The following SHROOM3 variants were observed in gnomAD, a reference collection of about 807,000 sequenced individuals.
The protein encoded by SHROOM3 is shroom family member 3, also known as protein Shroom3.
Under a neutral mutation model 138.6 loss-of-function variants are expected in SHROOM3, and 47 were observed. The observed-to-expected ratio is 0.34, with a 90% CI of 0.27 to 0.43. The LOEUF (loss-of-function observed/expected upper bound fraction) is 0.43, where lower values mean the gene tolerates loss of function less well. SHROOM3 is among the 20% of genes least tolerant of loss of function. The pLI, the probability that SHROOM3 is intolerant of heterozygous loss-of-function variation, is 1.00. For missense variants in SHROOM3, 2,491 were observed against 2,596.5 expected (o/e 0.96, Z 0.88); for synonymous variants, 1,062 against 1,063.3 (o/e 1.00, Z 0.02).
intron 1 of SHROOM3, among the ~76,000 whole-genome samples, chr4:76,495,214 A>G (rs529096882): frequency 3.3e-5 from 5 of 152,312 alleles, no homozygotes; most frequent in African/African-American, 9.6e-5. Context: ...AAAAGCTGCT[A>G]TTGGTGCCAT....
intron 1 of SHROOM3, among the ~76,000 whole-genome samples, chr4:76,522,437 G>A (rs1732586292): frequency 6.6e-6 from 1 of 151,786 alleles, no homozygotes; most frequent in South Asian, 2.1e-4. Flanking sequence ...TGGTTCTGTT[G>A]GCCGGAACAG....
intron 2 of SHROOM3, among the ~76,000 whole-genome samples, chr4:76,588,532 G>A (rs2110047379): frequency 6.6e-6 from 1 of 152,178 alleles, no homozygotes; most frequent in Admixed American, 6.5e-5. Context: ...CTGCTTGGAA[G>A]GTTCAGCTCT....
intron 1 of SHROOM3, among the ~76,000 whole-genome samples, chr4:76,551,891 T>C (rs1354192257): frequency 6.6e-6 from 1 of 151,642 alleles, no homozygotes; most frequent in Non-Finnish European, 1.5e-5. Flanking sequence ...AGACAGAGTC[T>C]CGCTCTGTCA....
intron 2 of SHROOM3, among the ~76,000 whole-genome samples, chr4:76,668,434 G>C (rs1208835840): frequency 6.6e-6 from 1 of 152,052 alleles, no homozygotes; most frequent in East Asian, 1.9e-4. Context: ...TTAGCCGGAC[G>C]TAGTGGCACA....
At chr4:76,521,612 A>G (rs1732567600) in intron 1 of SHROOM3, among the ~76,000 whole-genome samples, 1 of 152,216 alleles carries the variant, frequency 6.6e-6, no homozygotes, top group African/African-American at 2.4e-5. Context: ...GAAAAATAAC[A>G]TTGTAGAAGT....
Position 76,741,290 on chromosome 4 carries a change from C to G in SHROOM3, c.3117C>G (p.Pro1039=). The G allele has an allele frequency of 6.2e-7, 1 of 1,612,072 alleles. No individual in the cohort carries two copies. The highest frequency in any genetic ancestry group is 8.5e-7 in the Non-Finnish European group (1 of 1,179,664). Residue 1039 remains proline, a synonymous_variant, in exon 5 of 11, where the codon CCC becomes CCG. Transcript: ENST00000296043. This position sits in a 1 kb window ranked among gnomAD's most constrained non-coding sequence, Gnocchi z 6.2. Reference sequence around the variant, plus strand: ...TCGTGGAGGAGGCCGAACCGGCACCCCTGGGCCCGCAGAGAAATGGGATGC... The same window carrying G: ...TCGTGGAGGAGGCCGAACCGGCACCGCTGGGCCCGCAGAGAAATGGGATGC... ...VGIVEEAEPA[P]LGPQRNGMRF...
chr4:76,528,969 C>A (rs942560192), intron 1 of SHROOM3, among the ~76,000 whole-genome samples: 5 of 152,198 alleles, frequency 3.3e-5, no homozygotes, highest in Non-Finnish European at 5.9e-5. Flanking sequence ...TGTGAGGAGG[C>A]CTCCTCTGAG....
chr4:76,771,490 A>G (rs1722356094), intron 10 of SHROOM3, among the ~76,000 whole-genome samples: 1 of 152,198 alleles, frequency 6.6e-6, no homozygotes, highest in Non-Finnish European at 1.5e-5. Context: ...TTCTTTCCCA[A>G]AAAGATAAAA....
intron 2 of SHROOM3, among the ~76,000 whole-genome samples, chr4:76,607,582 C>T (rs1428430858): frequency 1.3e-5 from 2 of 152,122 alleles, no homozygotes; most frequent in Non-Finnish European, 2.9e-5. Context: ...TATTACTGGC[C>T]ACAAACCACC....
chr4:76,482,364 GACAA>G (rs1731634900), intron 1 of SHROOM3, among the ~76,000 whole-genome samples: 1 of 152,038 alleles, frequency 6.6e-6, no homozygotes, highest in Admixed American at 6.6e-5. Context: ...ACCAATAATA[GACAA>G]ACAGAGAGCC....
chr4:76,548,101 A>G (rs1226014590), intron 1 of SHROOM3, among the ~76,000 whole-genome samples: 4 of 151,488 alleles, frequency 2.6e-5, no homozygotes, highest in Non-Finnish European at 1.5e-5. Flanking sequence ...GAGGTAAGGG[A>G]AAAAGTCAAA....
Position 76,569,367 on chromosome 4 carries a change from G to A in SHROOM3, c.323+13604G>A, listed in dbSNP as rs150692456. Reference sequence around the variant, plus strand: ...AGGCTCCTCTCCTGACCTCCAGAGGGGTCATTTTGGAGAAACTGCTGCCTG... The same window carrying A: ...AGGCTCCTCTCCTGACCTCCAGAGGAGTCATTTTGGAGAAACTGCTGCCTG... On this transcript the variant is annotated intron_variant, in intron 2 of 10. Coordinates refer to ENST00000296043, the MANE Select transcript of SHROOM3 (RefSeq NM_020859.4). Among the ~76,000 whole-genome samples the A allele has an allele frequency of 3.7e-3, 559 of 152,234 alleles. 3 individuals are homozygous for A. Among genetic ancestry groups the A allele is most frequent in the African/African-American group, 0.012 (514 of 41,544 alleles).
intron 1 of SHROOM3, among the ~76,000 whole-genome samples, chr4:76,459,267 T>C (rs935697466): frequency 1.8e-4 from 27 of 152,224 alleles, no homozygotes; most frequent in Admixed American, 1.3e-4. Context: ...ATTATAATTG[T>C]GTAGAATTGT....
intron 2 of SHROOM3, among the ~76,000 whole-genome samples, chr4:76,609,316 A>G (rs1385479673): frequency 6.6e-6 from 1 of 152,132 alleles, no homozygotes; most frequent in Non-Finnish European, 1.5e-5. Flanking sequence ...TGGAGACAGG[A>G]TCTTGCTCTG....
At chr4:76,769,271 A>C (rs1722269664) in intron 9 of SHROOM3, among the ~76,000 whole-genome samples, 1 of 151,360 alleles carries the variant, frequency 6.6e-6, no homozygotes, top group Non-Finnish European at 1.5e-5. Flanking sequence ...CACACCAATT[A>C]TATATATAGT....
intron 1 of SHROOM3, among the ~76,000 whole-genome samples, chr4:76,460,817 C>T (rs1191582950): frequency 6.2e-5 from 2 of 32,464 alleles, no homozygotes; most frequent in Non-Finnish European, 9.2e-5. Context: ...ACAGTGAAAG[C>T]CCGTATCTAC....
At chr4:76,586,256 T>TGC in intron 2 of SHROOM3, 1 of 985,602 alleles carries the variant, frequency 1.0e-6, no homozygotes, top group African/African-American at 1.7e-5. Context: ...CCAGCGGAGG[T>TGC]GCGTCTGTGG....
rs1262592435 is a variant in SHROOM3, at chr4:76,779,733, T to A, written c.*556T>A. The A allele has an allele frequency of 6.5e-6, 1 of 153,218 alleles. No homozygotes were observed. The highest frequency in any genetic ancestry group is 1.5e-5 in the Non-Finnish European group (1 of 68,434). 9.5% of individuals were successfully genotyped at this position (153,218 alleles called of 1,614,324 possible). On this transcript the variant is annotated 3_prime_UTR_variant, in exon 11 of 11. Coordinates refer to ENST00000296043, the MANE Select transcript of SHROOM3 (RefSeq NM_020859.4). Reference sequence around the variant, plus strand: ...GATTCTGTTTTGTGGTGGACATAGATGATTACGTTTGAGCTTTGTATTTTG... The same window carrying A: ...GATTCTGTTTTGTGGTGGACATAGAAGATTACGTTTGAGCTTTGTATTTTG...
intron 2 of SHROOM3, among the ~76,000 whole-genome samples, chr4:76,595,769 T>C (rs1304980338): frequency 1.3e-5 from 2 of 152,156 alleles, no homozygotes; most frequent in African/African-American, 4.8e-5. Flanking sequence ...TGCAATGGAA[T>C]CAAAATTATA....
Sources: gnomAD v4.1 joint callset for allele counts (sites outside exome capture counted in the v4.1 genomes callset) on GRCh38, gnomAD v4.1.1 for gene constraint, Gnocchi (gnomAD v3.1) non-coding constraint, MANE v1.5 for transcripts, NCBI Gene and HGNC (gene_info 2026-07-23, HGNC 2026-07-21) for gene names.